Variants in LDLRAP1 observed in about 807,000 individuals in gnomAD.
LDLRAP1 encodes the protein low density lipoprotein receptor adaptor protein 1, also known as low density lipoprotein receptor adapter protein 1.
A neutral mutation model predicts 37.8 loss-of-function variants in LDLRAP1; 30 were observed. The observed-to-expected ratio is 0.79, with a 90% CI of 0.59 to 1.08. LDLRAP1 has a LOEUF of 1.08. LDLRAP1 is among the 50% of genes least tolerant of loss of function. LDLRAP1 has a pLI of 0.00. For synonymous variants in LDLRAP1, 156 were observed against 169.8 expected, an observed-to-expected ratio of 0.92 and a Z score of 0.63; for missense variants, 375 against 401.6, an observed-to-expected ratio of 0.93 and a Z score of 0.57.
At chr1:25,570,539 A>G (rs1264440639), downstream of LDLRAP1, among the ~76,000 whole-genome samples, 7 of 152,052 alleles carry the variant, frequency 4.6e-5, no homozygotes, top group Non-Finnish European at 1.5e-5. Context: ...CCAGGTGCTC[A>G]TCAGAGGAGG....
the LDLRAP1 span, among the ~76,000 whole-genome samples, chr1:25,580,655 T>A: frequency 6.6e-6 from 1 of 152,120 alleles, no homozygotes; most frequent in Non-Finnish European, 1.5e-5. Flanking sequence ...ACCACAAGTG[T>A]GAGCCACCAT....
chr1:25,569,505 T>C (rs1404282438), downstream of LDLRAP1, among the ~76,000 whole-genome samples: 3 of 152,130 alleles, frequency 2.0e-5, no homozygotes, highest in Non-Finnish European at 2.9e-5. Flanking sequence ...TGAGCCTTGA[T>C]TTTCCCGTCT....
At position 25,554,803 on chromosome 1, in the gene LDLRAP1, T is replaced by G; in HGVS notation, c.232-57T>G. Reference sequence around the variant, plus strand: ...CTTAGGAACAGTGAAGTGTAAGCCATGAGGGTGGGTCTCAAGTGAGGCTGG... The same window carrying G: ...CTTAGGAACAGTGAAGTGTAAGCCAGGAGGGTGGGTCTCAAGTGAGGCTGG... On this transcript the variant is annotated intron_variant, in intron 2 of 8. Coordinates refer to ENST00000374338, the MANE Select transcript of LDLRAP1 (RefSeq NM_015627.3). The surrounding 1 kb of genome is among the most constrained non-coding windows in gnomAD (Gnocchi z 5.4). The G allele has an allele frequency of 7.3e-7, 1 of 1,369,346 alleles. No individual in the cohort carries two copies. Among genetic ancestry groups the G allele is most frequent in the Non-Finnish European group, 1.0e-6 (1 of 966,096 alleles). The allele number at this position is 1,369,346 out of a possible 1,614,324, so 84.8% of individuals were successfully genotyped here.
chr1:25,576,703 G>C, the LDLRAP1 span, among the ~76,000 whole-genome samples: 1 of 152,242 alleles, frequency 6.6e-6, no homozygotes, highest in Non-Finnish European at 1.5e-5. Flanking sequence ...ACGGGGCCAA[G>C]ATTCAAGGCC....
rs1471257845 is a variant in LDLRAP1, at chr1:25,557,154, A to C, written c.346A>C (p.Ile116Leu). Residue 116 changes from isoleucine (I) to leucine (L), a missense_variant and splice_region_variant, in exon 4 of 9, where the codon ATC becomes CTC. Transcript: ENST00000374338. ...TGATGCTTCCTCCTTGCCTTTCAGG[A>C]TCTCCTATTGCACAGCAGACAAGAT... ...QLIENVSIYR[I>L]SYCTADKMHD... 6.8e-6 allele frequency: 11 copies of C among 1,612,782 alleles called. No homozygotes were observed. The Admixed American group carries it at 1.5e-4, about 22-fold the overall frequency.
the LDLRAP1 span, among the ~76,000 whole-genome samples, chr1:25,578,085 A>G: frequency 4.6e-5 from 7 of 152,278 alleles, no homozygotes; most frequent in Admixed American, 6.5e-5. Flanking sequence ...TGAAAAAGAC[A>G]GTTTTGTTCA....
chr1:25,584,859 A>G, the LDLRAP1 span, among the ~76,000 whole-genome samples: 3 of 152,116 alleles, frequency 2.0e-5, no homozygotes, highest in Non-Finnish European at 2.9e-5. Flanking sequence ...TCTGGGGCAA[A>G]TGGAAAAGTT....
At chr1:25,578,341 G>A in the LDLRAP1 span, among the ~76,000 whole-genome samples, 1 of 152,214 alleles carries the variant, frequency 6.6e-6, no homozygotes, top group Admixed American at 6.5e-5. Context: ...CTCCGGCACG[G>A]CATTTGAGCC....
At chr1:25,576,663 A>G in the LDLRAP1 span, among the ~76,000 whole-genome samples, 81 of 152,362 alleles carry the variant, frequency 5.3e-4, 1 homozygote, top group African/African-American at 1.9e-3. Flanking sequence ...AGATGAAGCA[A>G]CTTGCCACAG....
chr1:25,554,153 G>A lies in LDLRAP1; in HGVS notation c.231+89G>A. 1 of 1,524,788 alleles carries A rather than the reference G, an allele frequency of 6.6e-7. No individual in the cohort carries two copies. The highest frequency in any genetic ancestry group is 9.0e-7 in the Non-Finnish European group (1 of 1,115,238). 94.5% of individuals were successfully genotyped at this position (1,524,788 alleles called of 1,614,324 possible). A position where few individuals can be genotyped will look rare whatever the true frequency, so the allele number is the denominator to read the frequency against. On this transcript the variant is annotated intron_variant, in intron 2 of 8. Coordinates refer to ENST00000374338, the MANE Select transcript of LDLRAP1 (RefSeq NM_015627.3). The surrounding 1 kb of genome is among the most constrained non-coding windows in gnomAD (Gnocchi z 5.4). ...GCCCTCGTCCCAGCTTGTTACTCCA[G>A]TTGGGTGTGTCTGAGCCTGGCCCTG...
At chr1:25,556,077 G>A (rs2044190677) in intron 3 of LDLRAP1, among the ~76,000 whole-genome samples, 1 of 152,190 alleles carries the variant, frequency 6.6e-6, no homozygotes, top group Admixed American at 6.5e-5. Flanking sequence ...CTGGGATGGA[G>A]AAGAGGTAGG....
chr1:25,563,503 C>T (rs1266358881), intron 6 of LDLRAP1, 158 bp from the exon 7 acceptor site: 2 of 906,322 alleles, frequency 2.2e-6, no homozygotes, highest in African/African-American at 3.3e-5. Flanking sequence ...CTGTGGGCAG[C>T]TGCGCATCTG....
In LDLRAP1 at chr1:25,567,073, GC is replaced by G. The variant is rs2044504692; in HGVS notation, c.*84del. On this transcript the variant is annotated 3_prime_UTR_variant, in exon 9 of 9. Coordinates refer to ENST00000374338, the MANE Select transcript of LDLRAP1 (RefSeq NM_015627.3). ...CTGCTGCGGGGGAGCCAGTTCTGGG[GC>G]CCGCCTGCCACCTCTCCCAGCCCTC... is the stretch of plus-strand genomic sequence containing the variant. The G allele has an allele frequency of 1.3e-6, 2 of 1,537,592 alleles. No homozygotes were observed. Among genetic ancestry groups the G allele is most frequent in the Non-Finnish European group, 1.8e-6 (2 of 1,120,650 alleles).
At position 25,554,000 on chromosome 1, in the gene LDLRAP1, C is replaced by T. The variant is rs752849346; in HGVS notation, c.167C>T (p.Thr56Met). 64 of 1,614,070 alleles carry T rather than the reference C, an allele frequency of 4.0e-5. No homozygotes were observed. In the East Asian group the frequency reaches 8.9e-4, roughly 22 times the overall value. ...MLFSLKYLGM[T>M]LVEQPKGEEL... is the part of the protein sequence containing the mutation. ...TTCAGCCTCAAGTACCTGGGCATGA[C>T]GCTAGTGGAGCAGCCCAAGGGTGAG... is the stretch of plus-strand genomic sequence containing the variant. Residue 56 changes from threonine to methionine, a missense_variant, in exon 2 of 9, where the codon ACG becomes ATG. Physicochemically the swap from Thr to Met is moderately conservative, Grantham distance 81. Coordinates refer to ENST00000374338, the MANE Select transcript of LDLRAP1 (RefSeq NM_015627.3).
chr1:25,547,827 C>T (rs912448508), intron 1 of LDLRAP1, among the ~76,000 whole-genome samples: 2 of 152,180 alleles, frequency 1.3e-5, no homozygotes, highest in Admixed American at 6.5e-5. Context: ...CGGTACACAC[C>T]GGTGAATCCC....
chr1:25,577,697 GCATA>G, the LDLRAP1 span, among the ~76,000 whole-genome samples: 2 of 152,224 alleles, frequency 1.3e-5, no homozygotes, highest in Non-Finnish European at 2.9e-5. Context: ...AAGACAGGGT[GCATA>G]GCAGAGGCCT....
At chr1:25,571,554 T>C (rs1232865497), downstream of LDLRAP1, among the ~76,000 whole-genome samples, 2 of 152,186 alleles carry the variant, frequency 1.3e-5, no homozygotes, top group Non-Finnish European at 2.9e-5. Context: ...TTGCACGTAT[T>C]GTTAGCCCAT....
intron 4 of LDLRAP1, among the ~76,000 whole-genome samples, chr1:25,558,741 A>G (rs1425196870): frequency 6.6e-6 from 1 of 152,134 alleles, no homozygotes; most frequent in East Asian, 1.9e-4. Context: ...ACTCTGAGTA[A>G]TCTGGGATAA....
rs1424806517 is a variant in LDLRAP1 at position 25,544,015 on chromosome 1, A to G, written c.88+229A>G. Reference sequence around the variant, plus strand: ...CTGCGAGGAGGGGCAGCGCTGAGGAAGGAGCCCGAGCTCGGGGTCCTCAGG... The same window carrying G: ...CTGCGAGGAGGGGCAGCGCTGAGGAGGGAGCCCGAGCTCGGGGTCCTCAGG... On this transcript the variant is annotated intron_variant, in intron 1 of 8. Transcript: ENST00000374338. This position sits in a 1 kb window ranked among gnomAD's most constrained non-coding sequence, Gnocchi z 4.8. 6.6e-6 allele frequency among the ~76,000 whole-genome samples: 1 copy of G among 151,958 alleles called. No homozygotes were observed. Among genetic ancestry groups the G allele is most frequent in the Admixed American group, 6.5e-5 (1 of 15,276 alleles).
Sources: gnomAD v4.1 joint callset for allele counts (sites outside exome capture counted in the v4.1 genomes callset) on GRCh38, gnomAD v4.1.1 for gene constraint, Gnocchi (gnomAD v3.1) non-coding constraint, MANE v1.5 for transcripts, NCBI Gene and HGNC (gene_info 2026-07-23, HGNC 2026-07-21) for gene names.